Variants in GALNT13 observed in about 807,000 individuals in gnomAD.
The protein encoded by GALNT13 is polypeptide N-acetylgalactosaminyltransferase 13.
Under a neutral mutation model 64.2 loss-of-function variants are expected in GALNT13, and 28 were observed. That is an observed-to-expected ratio of 0.44 (90% confidence interval 0.32 to 0.60). The LOEUF is 0.60. Among genes scored for constraint, GALNT13 ranks in the 20% least tolerant of loss-of-function variants. The pLI is 0.05. For missense variants in GALNT13, 577 were observed against 669.8 expected (o/e 0.86, Z 1.53); for synonymous variants, 214 against 224.6 (o/e 0.95, Z 0.42).
At chr2:153,838,913 A>G in the GALNT13 span, among the ~76,000 whole-genome samples, 1 of 151,920 alleles carries the variant, frequency 6.6e-6, no homozygotes, top group Non-Finnish European at 1.5e-5. Context: ...CTAATCTATT[A>G]ACAGAATATA....
At chr2:154,079,440 T>C (rs927993219) in intron 3 of GALNT13, among the ~76,000 whole-genome samples, 1 of 151,532 alleles carries the variant, frequency 6.6e-6, no homozygotes. Flanking sequence ...ATAAAAAATA[T>C]ATATATTTTT....
At chr2:153,178,893 A>G in the GALNT13 span, among the ~76,000 whole-genome samples, 2 of 150,942 alleles carry the variant, frequency 1.3e-5, no homozygotes, top group South Asian at 2.1e-4. Flanking sequence ...CACAACCACA[A>G]CTATCTAGTT....
chr2:153,868,095 C>A (rs1287065789), upstream of GALNT13, among the ~76,000 whole-genome samples: 1 of 152,152 alleles, frequency 6.6e-6, no homozygotes, highest in East Asian at 1.9e-4. Flanking sequence ...CAGTGCTAGG[C>A]ATTTTCTTCT....
the GALNT13 span, among the ~76,000 whole-genome samples, chr2:153,276,343 G>A: frequency 1.3e-5 from 2 of 151,858 alleles, no homozygotes; most frequent in Non-Finnish European, 2.9e-5. Flanking sequence ...TATAGAAAAA[G>A]CATCCTCTTG....
chr2:154,218,043 A>G (rs1252711973), intron 4 of GALNT13, among the ~76,000 whole-genome samples: 3 of 152,124 alleles, frequency 2.0e-5, no homozygotes, highest in African/African-American at 7.2e-5. Context: ...AGTTTCCAGG[A>G]GACCAATATA....
At chr2:154,176,157 G>A (rs1023228031) in intron 4 of GALNT13, among the ~76,000 whole-genome samples, 5 of 151,808 alleles carry the variant, frequency 3.3e-5, no homozygotes, top group African/African-American at 1.2e-4. Context: ...TAGAATTTCC[G>A]GTTCTTTGTT....
chr2:153,429,971 A>C, the GALNT13 span, among the ~76,000 whole-genome samples: 5 of 152,166 alleles, frequency 3.3e-5, no homozygotes, highest in African/African-American at 1.2e-4. Flanking sequence ...AGACATAAGA[A>C]TATGTTGTAT....
At chr2:153,788,081 T>A in the GALNT13 span, among the ~76,000 whole-genome samples, 3 of 152,128 alleles carry the variant, frequency 2.0e-5, no homozygotes, top group Admixed American at 1.3e-4. Flanking sequence ...ATTCAGGAAA[T>A]GCAGAAAACC....
At chr2:154,212,829 CA>C (rs1472684239) in intron 4 of GALNT13, among the ~76,000 whole-genome samples, 1 of 151,500 alleles carries the variant, frequency 6.6e-6, no homozygotes, top group Non-Finnish European at 1.5e-5. Flanking sequence ...TCCCTTAATA[CA>C]ATGTTTTTTT....
At chr2:153,286,074 A>T in the GALNT13 span, among the ~76,000 whole-genome samples, 7 of 152,266 alleles carry the variant, frequency 4.6e-5, no homozygotes, top group East Asian at 1.2e-3. Context: ...TGGCTTATCA[A>T]AACATTCAGA....
At chr2:153,315,627 G>A in the GALNT13 span, among the ~76,000 whole-genome samples, 6 of 152,068 alleles carry the variant, frequency 3.9e-5, no homozygotes, top group Admixed American at 1.3e-4. Context: ...GATACAATAA[G>A]TAAACAAACA....
At chr2:153,151,466 A>C in the GALNT13 span, among the ~76,000 whole-genome samples, 7 of 152,148 alleles carry the variant, frequency 4.6e-5, no homozygotes, top group East Asian at 3.9e-4. Flanking sequence ...TTGACCCAGC[A>C]ATCCCATTAC....
chr2:154,361,767 G>A (rs898328328), intron 9 of GALNT13, among the ~76,000 whole-genome samples: 2 of 152,070 alleles, frequency 1.3e-5, no homozygotes, highest in African/African-American at 4.8e-5. Flanking sequence ...CTAGGCCTGT[G>A]TCATTCTAAT....
chr2:153,952,338 C>A (rs947455698), intron 3 of GALNT13, among the ~76,000 whole-genome samples: 3 of 152,076 alleles, frequency 2.0e-5, no homozygotes, highest in Admixed American at 1.3e-4. Flanking sequence ...TCTCTCTGGG[C>A]CTCAGTTGTA....
At chr2:153,994,054 A>C (rs1478150763) in intron 3 of GALNT13, among the ~76,000 whole-genome samples, 1 of 151,866 alleles carries the variant, frequency 6.6e-6, no homozygotes, top group Non-Finnish European at 1.5e-5. Flanking sequence ...TCCTAATGCT[A>C]TCTCTCCCCA....
At chr2:153,910,998 C>A (rs182097231) in intron 2 of GALNT13, among the ~76,000 whole-genome samples, 2 of 152,280 alleles carry the variant, frequency 1.3e-5, no homozygotes, top group East Asian at 3.9e-4. Context: ...CCTTGATGAT[C>A]TGTCCAGTAC....
chr2:153,256,546 C>T, the GALNT13 span, among the ~76,000 whole-genome samples: 6 of 152,182 alleles, frequency 3.9e-5, no homozygotes, highest in Non-Finnish European at 7.4e-5. Context: ...AGGCGCTCTG[C>T]TTTTTAGAGT....
chr2:153,267,238 TG>T, the GALNT13 span, among the ~76,000 whole-genome samples: 3 of 152,152 alleles, frequency 2.0e-5, no homozygotes, highest in African/African-American at 7.2e-5. Context: ...CACAGGCTGG[TG>T]GGTGTTGACT....
the GALNT13 span, among the ~76,000 whole-genome samples, chr2:153,196,709 G>A: frequency 5.7e-4 from 87 of 152,114 alleles, no homozygotes; most frequent in African/African-American, 2.0e-3. Context: ...CTGCCCAACC[G>A]CACTGCTCCC....
Sources: gnomAD v4.1 joint callset for allele counts (sites outside exome capture counted in the v4.1 genomes callset) on GRCh38, gnomAD v4.1.1 for gene constraint, MANE v1.5 for transcripts, NCBI Gene and HGNC (gene_info 2026-07-23, HGNC 2026-07-21) for gene names.